ABR: variants seen among roughly 807,000 people sequenced by gnomAD.
ABR encodes ABR activator of RhoGEF and GTPase.
ABR carries 35 observed loss-of-function variants against 107.2 expected under a neutral mutation model. The ratio of observed to expected loss-of-function variants is 0.33; its 90% confidence interval spans 0.25 to 0.43. The LOEUF is 0.43. Among genes scored for constraint, ABR ranks in the 20% least tolerant of loss-of-function variants. The pLI, the probability that ABR is intolerant of heterozygous loss-of-function variation, is 1.00. For missense variants in ABR, 815 were observed against 1,115.2 expected, an observed-to-expected ratio of 0.73 and a Z score of 3.83; for synonymous variants, 498 against 462.0, an observed-to-expected ratio of 1.08 and a Z score of -1.00.
chr17:1,213,800 G>C (rs2042948792), intron 1 of ABR, among the ~76,000 whole-genome samples: 5 of 152,208 alleles, frequency 3.3e-5, no homozygotes, highest in Admixed American at 3.3e-4. Flanking sequence ...CTTCTTCAAA[G>C]ATGACAGACT....
At chr17:1,166,500 G>A (rs573582482) in intron 1 of ABR, among the ~76,000 whole-genome samples, 1 of 152,194 alleles carries the variant, frequency 6.6e-6, no homozygotes. Context: ...AGGCCCGGGG[G>A]TGTGGCAGTG....
At chr17:1,062,073 G>A (rs983195091) in intron 10 of ABR, among the ~76,000 whole-genome samples, 1 of 152,204 alleles carries the variant, frequency 6.6e-6, no homozygotes, top group Admixed American at 6.5e-5. Flanking sequence ...CTTCCCAGGG[G>A]TGGTGAGGCC....
intron 14 of ABR, among the ~76,000 whole-genome samples, chr17:1,053,926 G>T (rs2032896404): frequency 1.3e-5 from 2 of 152,182 alleles, no homozygotes; most frequent in Admixed American, 6.5e-5. Flanking sequence ...AAGAAGGGAG[G>T]TCTGTGGGTC....
intron 1 of ABR, among the ~76,000 whole-genome samples, chr17:1,167,369 C>T (rs1225978480): frequency 6.8e-6 from 1 of 146,524 alleles, no homozygotes; most frequent in African/African-American, 2.7e-5. Flanking sequence ...CACAAAGCAG[C>T]ATCTTCATAG....
chr17:1,022,120 A>AAAAAAAAAAAAAAAAAACAAAAAC (rs56033950), intron 16 of ABR, among the ~76,000 whole-genome samples: 2 of 118,388 alleles, frequency 1.7e-5, no homozygotes, highest in African/African-American at 7.3e-5. Flanking sequence ...AAAAAAAAAA[A>AAAAAAAAAAAAAAAAAACAAAAAC]AAAAACAGAA....
intron 1 of ABR, among the ~76,000 whole-genome samples, chr17:1,134,650 C>T (rs1014259322): frequency 7.2e-5 from 11 of 152,284 alleles, no homozygotes; most frequent in South Asian, 6.2e-4. Context: ...CGAGATGCTA[C>T]GACAGAGGCC....
Position 1,028,890 on chromosome 17 carries a change from C to T in ABR, c.1792-15726G>A, listed in dbSNP as rs2072467203. Among the ~76,000 whole-genome samples, 6 of 151,974 alleles carry T rather than the reference C, an allele frequency of 3.9e-5. No homozygotes were observed. In the South Asian group the frequency reaches 1.2e-3, roughly 32 times the overall value. ...AAATGCTTCTGGACCGGCCTCCCTT[C>T]AGGCCCTCTTAGCCTCCTCACGGCT... On this transcript the variant is annotated intron_variant, in intron 16 of 22. Transcript: ENST00000302538.
At chr17:1,030,289 G>T (rs932442180) in intron 16 of ABR, among the ~76,000 whole-genome samples, 1 of 152,246 alleles carries the variant, frequency 6.6e-6, no homozygotes, top group South Asian at 2.1e-4. Context: ...AACTGGAAGC[G>T]CCCTGTTTGG....
intron 11 of ABR, 89 bp from the exon 12 acceptor site, chr17:1,058,134 A>ATTTTTT: frequency 2.1e-6 from 1 of 471,538 alleles, no homozygotes; most frequent in South Asian, 2.2e-5. Context: ...AGCTCCTTTT[A>ATTTTTT]TCTTTTTTTT....
intron 16 of ABR, among the ~76,000 whole-genome samples, chr17:1,040,228 G>A (rs1004412889): frequency 2.0e-5 from 3 of 152,164 alleles, no homozygotes; most frequent in Admixed American, 6.5e-5. Flanking sequence ...AGGCAGGGTC[G>A]AATGGGGACA....
chr17:1,141,010 G>A (rs900915900), intron 1 of ABR, among the ~76,000 whole-genome samples: 1 of 152,102 alleles, frequency 6.6e-6, no homozygotes, highest in Non-Finnish European at 1.5e-5. Flanking sequence ...ATGTCACAGG[G>A]TGGTTGTGAA....
At chr17:1,020,874 G>T (rs1053731747) in intron 16 of ABR, among the ~76,000 whole-genome samples, 17 of 152,112 alleles carry the variant, frequency 1.1e-4, no homozygotes, top group African/African-American at 4.1e-4. Context: ...TGCCCGGAGG[G>T]CTGCTCCCGG....
chr17:1,055,762 C>T (rs1219511722), intron 14 of ABR: 4 of 391,096 alleles, frequency 1.0e-5, no homozygotes, highest in African/African-American at 4.0e-5. Flanking sequence ...CTCCTGACCT[C>T]GTGATCCGCC....
At chr17:1,046,852 C>T (rs1429832662) in intron 16 of ABR, among the ~76,000 whole-genome samples, 4 of 152,218 alleles carry the variant, frequency 2.6e-5, no homozygotes, top group Admixed American at 2.0e-4. Flanking sequence ...CTGTCATTCT[C>T]CCTGGAGGAT....
At chr17:1,228,195 G>A (rs1356801316) in intron 1 of ABR, 2 of 152,488 alleles carry the variant, frequency 1.3e-5, no homozygotes, top group East Asian at 3.9e-4. Flanking sequence ...AAAGCCAAGA[G>A]GCCGGGCGCC....
intron 2 of ABR, among the ~76,000 whole-genome samples, chr17:1,107,185 C>A (rs1286495895): frequency 6.6e-6 from 1 of 152,246 alleles, no homozygotes; most frequent in Non-Finnish European, 1.5e-5. Flanking sequence ...CCGGTGCTCA[C>A]GGGGACCCAG....
At chr17:1,038,109 T>C (rs1287445166) in intron 16 of ABR, among the ~76,000 whole-genome samples, 1 of 152,112 alleles carries the variant, frequency 6.6e-6, no homozygotes, top group Non-Finnish European at 1.5e-5. Flanking sequence ...TCACACCTGC[T>C]TTTCCACCAC....
upstream of ABR, among the ~76,000 whole-genome samples, chr17:1,182,678 T>TA: frequency 6.6e-6 from 1 of 152,310 alleles, no homozygotes; most frequent in Admixed American, 6.5e-5. Context: ...TTCATGCTCT[T>TA]AAACACCACG....
chr17:1,132,003 C>G lies in ABR; in HGVS notation c.62-6636G>C, dbSNP rs1192377739. On this transcript the variant is annotated intron_variant, in intron 1 of 22. Coordinates refer to ENST00000302538, the MANE Select transcript of ABR (RefSeq NM_021962.5). ...CTCCCCCCTCTTTGCACACCAAATG[C>G]AGTGCCTGCCACGCACACAGCTCCC... 3.4e-5 allele frequency among the ~76,000 whole-genome samples: 5 copies of G among 147,938 alleles called. No homozygotes were observed. The South Asian group carries it at 1.1e-3, about 31-fold the overall frequency.
Sources: allele counts gnomAD v4.1 joint callset (sites outside exome capture counted in the v4.1 genomes callset), GRCh38; gene constraint gnomAD v4.1.1; transcripts MANE v1.5; gene names NCBI Gene and HGNC (gene_info 2026-07-23, HGNC 2026-07-21).